ZBTB16: variants seen among roughly 807,000 people sequenced by gnomAD.
The protein encoded by ZBTB16 is zinc finger and BTB domain containing 16.
ZBTB16 carries 8 observed loss-of-function variants against 56.8 expected under a neutral mutation model. That is an observed-to-expected ratio of 0.14 (90% CI 0.08 to 0.25). The LOEUF (loss-of-function observed/expected upper bound fraction) is 0.25. ZBTB16 is among the 10% of genes least tolerant of loss of function. The pLI, the probability that ZBTB16 is intolerant of heterozygous loss-of-function variation, is 1.00. For synonymous variants in ZBTB16, 363 were observed against 368.5 expected, an observed-to-expected ratio of 0.98 and a Z score of 0.17; for missense variants, 625 against 903.0, an observed-to-expected ratio of 0.69 and a Z score of 3.95.
intron 2 of ZBTB16, among the ~76,000 whole-genome samples, chr11:114,146,941 T>C (rs984528447): frequency 1.3e-5 from 2 of 152,060 alleles, no homozygotes; most frequent in Non-Finnish European, 2.9e-5. Flanking sequence ...GTAAGGAAGC[T>C]AATATCTGTT....
chr11:114,164,641 C>T (rs555377970), intron 3 of ZBTB16, among the ~76,000 whole-genome samples: 12 of 152,300 alleles, frequency 7.9e-5, no homozygotes, highest in East Asian at 7.7e-4. Flanking sequence ...AGACACACAC[C>T]CTGCCGGAAG....
At chr11:114,136,654 A>G (rs1046606805) in intron 2 of ZBTB16, among the ~76,000 whole-genome samples, 4 of 152,156 alleles carry the variant, frequency 2.6e-5, no homozygotes, top group African/African-American at 9.7e-5. Context: ...GCCCCCACCA[A>G]GAGATGAATG....
chr11:114,220,529 G>T (rs1404495400), intron 4 of ZBTB16, among the ~76,000 whole-genome samples: 1 of 152,198 alleles, frequency 6.6e-6, no homozygotes, highest in Non-Finnish European at 1.5e-5. Context: ...AACCCTGAAA[G>T]CCGTGGAAGT....
chr11:114,114,677 T>C (rs1411855230), intron 2 of ZBTB16, among the ~76,000 whole-genome samples: 1 of 151,436 alleles, frequency 6.6e-6, no homozygotes, highest in East Asian at 1.9e-4. Context: ...TGCTATATGT[T>C]TTTTCTTTTT....
rs1379366513 is a variant in ZBTB16, at chr11:114,059,954, G to A, written c.-91+72G>A. On this transcript the variant is annotated intron_variant, in intron 1 of 6. Transcript: ENST00000335953. This position sits in a 1 kb window ranked among gnomAD's most constrained non-coding sequence, Gnocchi z 5.3. ...CGCCGGGGCTTCCCGGGGCTGGAGA[G>A]GTCTGGGGGGCGCGCGCTCGCTTCG... The A allele has an allele frequency of 2.5e-6, 1 of 395,176 alleles. No individual in the cohort carries two copies. The highest frequency in any genetic ancestry group is 4.5e-6 in the Non-Finnish European group (1 of 224,208). 24.5% of individuals were successfully genotyped at this position (395,176 alleles called of 1,614,324 possible).
intron 2 of ZBTB16, among the ~76,000 whole-genome samples, chr11:114,110,314 A>G (rs1940958993): frequency 6.6e-6 from 1 of 152,212 alleles, no homozygotes; most frequent in African/African-American, 2.4e-5. Context: ...CAGTCCCCCA[A>G]GGCAGCAATC....
chr11:114,079,602 G>A (rs1332485232), intron 2 of ZBTB16, among the ~76,000 whole-genome samples: 1 of 152,210 alleles, frequency 6.6e-6, no homozygotes, highest in Non-Finnish European at 1.5e-5. Flanking sequence ...TCTGAAGTGT[G>A]TGCCGCATTC....
chr11:114,096,658 T>G (rs1591661898), intron 2 of ZBTB16, among the ~76,000 whole-genome samples: 1 of 152,120 alleles, frequency 6.6e-6, no homozygotes, highest in African/African-American at 2.4e-5. Flanking sequence ...TTTATTAAGG[T>G]GCATTTCTGG....
chr11:114,103,721 AGAGGTAACG>A (rs1286115606), intron 2 of ZBTB16, among the ~76,000 whole-genome samples: 1 of 151,986 alleles, frequency 6.6e-6, no homozygotes, highest in Non-Finnish European at 1.5e-5. Flanking sequence ...GGGTGGAGAT[AGAGGTAACG>A]TTTAACCCAT....
In ZBTB16 at chr11:114,250,492, G is replaced by A; in HGVS notation, c.1959G>A (p.Lys653=). 1.2e-6 allele frequency: 2 copies of A among 1,614,172 alleles called. No homozygotes were observed. The highest frequency in any genetic ancestry group is 8.5e-7 in the Non-Finnish European group (1 of 1,180,032). Residue 653 remains lysine, a synonymous_variant, in exon 7 of 7, where the codon AAG becomes AAA. Transcript: ENST00000335953. The surrounding 1 kb of genome is among the most constrained non-coding windows in gnomAD (Gnocchi z 6.0). ...TGCAGAAGCACATGAAGGGCCACAA[G>A]CCCGAGGAGATCCCGCCCGACTGGA... ...SSMQKHMKGH[K]PEEIPPDWRI...
chr11:114,063,832 G>A lies in ZBTB16; in HGVS notation c.532G>A (p.Gly178Arg), dbSNP rs765194949. ...CAGTGTGGCTGGACAGAGCCTCCCTGGGCCCATGGTGGACCAGAGCCCTTC... is the reference window on the plus strand; with the variant it reads ...CAGTGTGGCTGGACAGAGCCTCCCTAGGCCCATGGTGGACCAGAGCCCTTC... ...YASVAGQSLP[G>R]PMVDQSPSVS... The change falls in exon 2 of 7, where the codon GGG becomes AGG. Residue 178 changes from glycine (G) to arginine (R), a missense_variant. Coordinates refer to ENST00000335953, the MANE Select transcript of ZBTB16 (RefSeq NM_006006.6). This position sits in a 1 kb window ranked among gnomAD's most constrained non-coding sequence, Gnocchi z 6.5. 1.6e-5 allele frequency: 26 copies of A among 1,614,030 alleles called. No individual in the cohort carries two copies. In the East Asian group the frequency reaches 5.8e-4, roughly 36 times the overall value.
chr11:114,136,972 T>G (rs563563568), intron 2 of ZBTB16, among the ~76,000 whole-genome samples: 7 of 152,178 alleles, frequency 4.6e-5, no homozygotes, highest in Non-Finnish European at 7.3e-5. Context: ...AGGTTCTATA[T>G]AGCATTTCTT....
chr11:114,064,615 C>A lies in ZBTB16; in HGVS notation c.1268+47C>A. Reference sequence around the variant, plus strand: ...CACCTGATGTAGGACTTGAGGCCCTCACACCCCTCCTTCACACCCTGGCTG... The same window carrying A: ...CACCTGATGTAGGACTTGAGGCCCTAACACCCCTCCTTCACACCCTGGCTG... On this transcript the variant is annotated intron_variant, in intron 2 of 6. Transcript: ENST00000335953. The surrounding 1 kb of genome is among the most constrained non-coding windows in gnomAD (Gnocchi z 4.2). 6.2e-7 allele frequency: 1 copy of A among 1,605,508 alleles called. No homozygotes were observed. The highest frequency in any genetic ancestry group is 1.1e-5 in the South Asian group (1 of 90,458).
Position 114,255,718 on chromosome 11 carries a change from TAAAAAAAA to T in ZBTB16, c.*5171_*5178del, listed in dbSNP as rs10576984. Among the ~76,000 whole-genome samples the T allele has an allele frequency of 7.0e-6, 1 of 143,276 alleles. No homozygotes were observed. The highest frequency in any genetic ancestry group is 2.0e-4 in the East Asian group (1 of 4,976). 94.0% of individuals were successfully genotyped at this position (143,276 alleles called of 152,430 possible). ...TAATTTCAGTGTTTCTGACAAGATT[TAAAAAAAA>T]AAAAAAAGGAAAAAAAAAGAAAAAA... On this transcript the variant is annotated 3_prime_UTR_variant, in exon 7 of 7. Transcript: ENST00000335953.
chr11:114,207,017 T>C lies in ZBTB16; in HGVS notation c.1453+19979T>C, dbSNP rs77562388. 9.9e-3 allele frequency among the ~76,000 whole-genome samples: 1,505 copies of C among 152,292 alleles called. 34 individuals are homozygous for C. The highest frequency in any genetic ancestry group is 0.034 in the African/African-American group (1,429 of 41,554). ...CCCAGGATGGCGGCATGCTCTGTTT[T>C]TGAACGACTGCCTCATTCCTGTAAG... is the stretch of plus-strand genomic sequence containing the variant. On this transcript the variant is annotated intron_variant, in intron 4 of 6. Coordinates refer to ENST00000335953, the MANE Select transcript of ZBTB16 (RefSeq NM_006006.6).
chr11:114,244,669 C>A (rs977951804), intron 5 of ZBTB16, among the ~76,000 whole-genome samples: 1 of 151,354 alleles, frequency 6.6e-6, no homozygotes, highest in Non-Finnish European at 1.5e-5. Context: ...CTTCTAAGTT[C>A]TTTTTATTCT....
chr11:114,196,455 C>T (rs1004152252), intron 4 of ZBTB16, among the ~76,000 whole-genome samples: 1 of 151,918 alleles, frequency 6.6e-6, no homozygotes, highest in Non-Finnish European at 1.5e-5. Context: ...TAAGGGCACC[C>T]TCTGCAGGCC....
At chr11:114,224,506 G>T (rs1309673396) in intron 4 of ZBTB16, among the ~76,000 whole-genome samples, 1 of 152,148 alleles carries the variant, frequency 6.6e-6, no homozygotes, top group Non-Finnish European at 1.5e-5. Context: ...GAGGCATGTG[G>T]GTATACAGAC....
intron 4 of ZBTB16, among the ~76,000 whole-genome samples, chr11:114,195,482 G>T (rs908291368): frequency 6.6e-6 from 1 of 152,192 alleles, no homozygotes; most frequent in African/African-American, 2.4e-5. Context: ...CCTGAAGGCA[G>T]GGAAGTGGAT....
Sources: gnomAD v4.1 joint callset for allele counts (sites outside exome capture counted in the v4.1 genomes callset) on GRCh38, gnomAD v4.1.1 for gene constraint, Gnocchi (gnomAD v3.1) non-coding constraint, MANE v1.5 for transcripts, NCBI Gene and HGNC (gene_info 2026-07-23, HGNC 2026-07-21) for gene names.